PHC2: variants seen among roughly 807,000 people sequenced by gnomAD.
The protein encoded by PHC2 is polyhomeotic-like protein 2.
A neutral mutation model predicts 87.4 loss-of-function variants in PHC2; 29 were observed. The ratio of observed to expected loss-of-function variants is 0.33; its 90% confidence interval spans 0.25 to 0.45. The LOEUF (loss-of-function observed/expected upper bound fraction) is 0.45. Ranked by LOEUF, PHC2 falls within the 20% of genes least tolerant of loss-of-function variation. The pLI is 1.00. For missense variants in PHC2, 857 were observed against 1,136.7 expected, an observed-to-expected ratio of 0.75 and a Z score of 3.54; for synonymous variants, 438 against 461.7, an observed-to-expected ratio of 0.95 and a Z score of 0.66.
intron 9 of PHC2, among the ~76,000 whole-genome samples, chr1:33,340,549 C>A (rs547334756): frequency 1.3e-5 from 2 of 152,326 alleles, no homozygotes; most frequent in African/African-American, 4.8e-5. Context: ...GGACAGAGTG[C>A]CCAGTCCTCA....
At chr1:33,346,009 G>T (rs1337733979) in intron 9 of PHC2, 1 of 985,028 alleles carries the variant, frequency 1.0e-6, no homozygotes, top group Non-Finnish European at 1.2e-6. Context: ...GGTTTTAACT[G>T]GTGACTCATA....
chr1:33,345,482 TA>T, intron 9 of PHC2: 2 of 906,582 alleles, frequency 2.2e-6, no homozygotes, highest in Non-Finnish European at 2.6e-6. Context: ...TCACTAACTA[TA>T]AAAATAATTT....
chr1:33,366,871 C>T (rs75370675), intron 7 of PHC2, among the ~76,000 whole-genome samples: 3 of 152,318 alleles, frequency 2.0e-5, no homozygotes, highest in Non-Finnish European at 4.4e-5. Flanking sequence ...CCTGATTCAT[C>T]GCTGTGCCTA....
intron 9 of PHC2, among the ~76,000 whole-genome samples, chr1:33,340,737 G>A (rs1374186891): frequency 6.6e-6 from 1 of 152,186 alleles, no homozygotes; most frequent in East Asian, 1.9e-4. Flanking sequence ...GTTGCGGGGA[G>A]GAGGGAGGGG....
chr1:33,374,697 C>CG (rs749839330), intron 2 of PHC2, among the ~76,000 whole-genome samples: 279 of 152,314 alleles, frequency 1.8e-3, no homozygotes, highest in Middle Eastern at 3.4e-3. Context: ...CTCAAAAAAA[C>CG]ATTGTAGTGA....
intron 7 of PHC2, among the ~76,000 whole-genome samples, chr1:33,356,430 G>A (rs1647087456): frequency 6.6e-6 from 1 of 151,094 alleles, no homozygotes; most frequent in Admixed American, 6.6e-5. Flanking sequence ...CTAGGCAGAG[G>A]ACCCTGCGGC....
chr1:33,369,309 T>C lies in PHC2; in HGVS notation c.577-687A>G, dbSNP rs1473081467. 6.6e-6 allele frequency among the ~76,000 whole-genome samples: 1 copy of C among 152,190 alleles called. No individual in the cohort carries two copies. The highest frequency in any genetic ancestry group is 1.9e-4 in the East Asian group (1 of 5,190). ...GCATCAGTGTGGATGTGCTGGTGCC[T>C]TGACAGGGTGCTTTCCCTAGAACTC... On this transcript the variant is annotated intron_variant, in intron 5 of 14. Transcript: ENST00000683057. This position sits in a 1 kb window ranked among gnomAD's most constrained non-coding sequence, Gnocchi z 4.7.
At chr1:33,373,851 C>G (rs894263245) in intron 2 of PHC2, among the ~76,000 whole-genome samples, 1 of 152,088 alleles carries the variant, frequency 6.6e-6, no homozygotes, top group Non-Finnish European at 1.5e-5. Flanking sequence ...AGGCTTTCCC[C>G]AGGTTGGTGT....
chr1:33,367,934 G>A (rs1169040588), intron 6 of PHC2, among the ~76,000 whole-genome samples: 3 of 152,188 alleles, frequency 2.0e-5, no homozygotes, highest in Admixed American at 1.3e-4. Flanking sequence ...TACTCAGCCC[G>A]GTCCCTGGCG....
chr1:33,354,719 A>G, intron 8 of PHC2, 119 bp downstream of exon 8: 2 of 1,344,036 alleles, frequency 1.5e-6, no homozygotes. Flanking sequence ...CCTTCTTGGA[A>G]TCCCCAAAGA....
chr1:33,358,791 A>G (rs1647140716), intron 7 of PHC2: 1 of 152,204 alleles, frequency 6.6e-6, no homozygotes, highest in South Asian at 2.1e-4. Flanking sequence ...TGTACAGAGT[A>G]TATGCCTTTT....
chr1:33,388,207 G>A (rs1395561802), intron 1 of PHC2, among the ~76,000 whole-genome samples: 1 of 152,124 alleles, frequency 6.6e-6, no homozygotes, highest in African/African-American at 2.4e-5. Flanking sequence ...TTCATAGTTG[G>A]AGAAAGCTGT....
In PHC2 at chr1:33,417,406, A is replaced by G. The variant is rs911245451; in HGVS notation, c.-55+13570T>C. Among the ~76,000 whole-genome samples the G allele has an allele frequency of 9.8e-5, 15 of 152,306 alleles. No individual in the cohort carries two copies. In the South Asian group the frequency reaches 3.1e-3, roughly 32 times the overall value. ...CTACAGAAACATACTTTAAAAATAAAGACATATATTGGCTAAAAGTAAAAT... is the reference window on the plus strand; with the variant it reads ...CTACAGAAACATACTTTAAAAATAAGGACATATATTGGCTAAAAGTAAAAT... On this transcript the variant is annotated intron_variant, in intron 1 of 14. Coordinates refer to ENST00000683057, the MANE Select transcript of PHC2 (RefSeq NM_001385109.1).
At position 33,408,546 on chromosome 1, in the gene PHC2, C is replaced by T. The variant is rs112810606; in HGVS notation, c.-55+22430G>A. On this transcript the variant is annotated intron_variant, in intron 1 of 14. Coordinates refer to ENST00000683057, the MANE Select transcript of PHC2 (RefSeq NM_001385109.1). ...GACGATCTCGGCTCACTGCAACCTCCGCCTCCCAGATTCAAGCGATTCTCT... is the reference window on the plus strand; with the variant it reads ...GACGATCTCGGCTCACTGCAACCTCTGCCTCCCAGATTCAAGCGATTCTCT... 1.7e-3 allele frequency among the ~76,000 whole-genome samples: 254 copies of T among 152,220 alleles called. 4 individuals are homozygous for T. The highest frequency in any genetic ancestry group is 5.0e-3 in the African/African-American group (208 of 41,534).
At chr1:33,395,970 T>C (rs1354214767) in intron 1 of PHC2, among the ~76,000 whole-genome samples, 1 of 152,216 alleles carries the variant, frequency 6.6e-6, no homozygotes, top group African/African-American at 2.4e-5. Flanking sequence ...TACTTATCAC[T>C]GGACTTATGT....
intron 10 of PHC2, 162 bp downstream of exon 10, chr1:33,333,928 T>C: frequency 7.6e-6 from 5 of 659,874 alleles, no homozygotes; most frequent in Non-Finnish European, 1.3e-5. Context: ...CTTGGAAAGA[T>C]AATCCTAGAA....
At position 33,331,971 on chromosome 1, in the gene PHC2, GGCAGGACT is replaced by G. The variant is rs571643733; in HGVS notation, c.1891+296_1891+303del. ...CCCCAGTCTCAAGGCAGGGACGAAGGGCAGGACTTGCCTGGGGCCACTCCTACAGTCAT... is the reference window on the plus strand; with the variant it reads ...CCCCAGTCTCAAGGCAGGGACGAAGGTGCCTGGGGCCACTCCTACAGTCAT... On this transcript the variant is annotated intron_variant, in intron 11 of 14. Transcript: ENST00000683057. The surrounding 1 kb of genome is among the most constrained non-coding windows in gnomAD (Gnocchi z 5.2). 6.4e-4 allele frequency among the ~76,000 whole-genome samples: 97 copies of G among 152,270 alleles called. No homozygotes were observed. The highest frequency in any genetic ancestry group is 2.3e-3 in the African/African-American group (95 of 41,566).
chr1:33,365,690 G>A (rs1647409533), intron 7 of PHC2, among the ~76,000 whole-genome samples: 1 of 152,238 alleles, frequency 6.6e-6, no homozygotes, highest in Admixed American at 6.5e-5. Context: ...GGGCCGTGAG[G>A]CCTCCGTGGG....
chr1:33,356,277 G>GTATATATATATATATACGTA (rs1647080265), intron 7 of PHC2, among the ~76,000 whole-genome samples: 1 of 70,182 alleles, frequency 1.4e-5, no homozygotes, highest in Non-Finnish European at 3.1e-5. Context: ...ATATATATAT[G>GTATATATATATATATACGTA]TATATATATA....
Sources: gnomAD v4.1 joint callset for allele counts (sites outside exome capture counted in the v4.1 genomes callset) on GRCh38, gnomAD v4.1.1 for gene constraint, Gnocchi (gnomAD v3.1) non-coding constraint, MANE v1.5 for transcripts, NCBI Gene and HGNC (gene_info 2026-07-23, HGNC 2026-07-21) for gene names.